Variants in TMC2 observed in about 807,000 individuals in gnomAD.
The protein encoded by TMC2 is transmembrane channel like 2.
In TMC2, 102 loss-of-function variants were observed where a neutral mutation model predicts 105.9. That is an observed-to-expected ratio of 0.96 (90% CI 0.82 to 1.14). The LOEUF (loss-of-function observed/expected upper bound fraction) is 1.14. Among genes scored for constraint, TMC2 ranks in the 50% most tolerant of loss-of-function variants. TMC2 has a pLI of 0.00. For synonymous variants in TMC2, 402 were observed against 422.8 expected, an observed-to-expected ratio of 0.95 and a Z score of 0.60; for missense variants, 1,093 against 1,134.3, an observed-to-expected ratio of 0.96 and a Z score of 0.52.
chr20:2,632,688 C>T (rs1363560845), intron 17 of TMC2, among the ~76,000 whole-genome samples: 1 of 152,132 alleles, frequency 6.6e-6, no homozygotes. Flanking sequence ...CTCCTGGGCT[C>T]AAGCAATTCT....
In TMC2 at chr20:2,616,209, G is replaced by A. The variant is rs2086480497; in HGVS notation, c.1940+5G>A. On this transcript the variant is annotated splice_donor_5th_base_variant and intron_variant, in intron 15 of 19. Coordinates refer to ENST00000358864, the MANE Select transcript of TMC2 (RefSeq NM_080751.3). This position sits in a 1 kb window ranked among gnomAD's most constrained non-coding sequence, Gnocchi z 4.8. ...CTTCAACCAAGGAATGATCTGGTGA[G>A]TTATCCATTTCATCTGGTGATCGCC... 6.2e-7 allele frequency: 1 copy of A among 1,610,946 alleles called. No individual in the cohort carries two copies. The highest frequency in any genetic ancestry group is 1.7e-5 in the Admixed American group (1 of 59,996).
rs749102560 is a variant in TMC2, at chr20:2,616,190, C to A, written c.1926C>A (p.Asn642Lys). 1 of 1,613,144 alleles carries A rather than the reference C, an allele frequency of 6.2e-7. No homozygotes were observed. The highest frequency in any genetic ancestry group is 8.5e-7 in the Non-Finnish European group (1 of 1,179,256). Reference sequence around the variant, plus strand: ...GAAATGTGCTGGGTTTGATCTTCAACCAAGGAATGATCTGGTGAGTTATCC... The same window carrying A: ...GAAATGTGCTGGGTTTGATCTTCAAACAAGGAATGATCTGGTGAGTTATCC... ...ISGNVLGLIF[N>K]QGMIWMGSFY... The change falls in exon 15 of 20, where the codon AAC (asparagine) becomes AAA (lysine). Residue 642 changes from asparagine (N) to lysine (K), a missense_variant. Asn to Lys is a moderately conservative substitution (Grantham distance 94, BLOSUM62 0). Transcript: ENST00000358864. The surrounding 1 kb of genome is among the most constrained non-coding windows in gnomAD (Gnocchi z 4.8).
At position 2,612,262 on chromosome 20, in the gene TMC2, G is replaced by C; in HGVS notation, c.1665G>C (p.Trp555Cys). 3 of 1,612,806 alleles carry C rather than the reference G, an allele frequency of 1.9e-6. No individual in the cohort carries two copies. Among genetic ancestry groups the C allele is most frequent in the Non-Finnish European group, 2.5e-6 (3 of 1,179,342 alleles). Residue 555 changes from tryptophan (W) to cysteine (C), a missense_variant, in exon 13 of 20, where the codon TGG becomes TGC. Transcript: ENST00000358864. ...TLFNYYNSSG[W>C]NESVPRPPLH... Reference sequence around the variant, plus strand: ...TTAACTATTACAACTCTTCTGGTTGGAACGAGAGTGTCCCCCGACCACCCC... The same window carrying C: ...TTAACTATTACAACTCTTCTGGTTGCAACGAGAGTGTCCCCCGACCACCCC...
intron 2 of TMC2, among the ~76,000 whole-genome samples, chr20:2,546,636 T>G (rs1170282305): frequency 6.6e-6 from 1 of 152,132 alleles, no homozygotes; most frequent in Non-Finnish European, 1.5e-5. Context: ...TTGAAGGACA[T>G]GATCAACTCT....
At chr20:2,556,362 A>G (rs892913058) in intron 2 of TMC2, among the ~76,000 whole-genome samples, 2 of 152,224 alleles carry the variant, frequency 1.3e-5, no homozygotes. Context: ...TACAGGCGTG[A>G]GCCACCAGGT....
chr20:2,603,615 T>C (rs1326043551), intron 11 of TMC2, among the ~76,000 whole-genome samples: 1 of 152,168 alleles, frequency 6.6e-6, no homozygotes, highest in Non-Finnish European at 1.5e-5. Context: ...GTTATTTGGA[T>C]CAAGTAATTA....
Position 2,558,636 on chromosome 20 carries a change from G to C in TMC2, c.263G>C (p.Arg88Pro), listed in dbSNP as rs757779139. The change falls in exon 3 of 20, where the codon CGG (arginine) becomes CCG (proline). Residue 88 changes from arginine (R) to proline (P), a missense_variant. Physicochemically the swap from Arg to Pro is moderately radical, Grantham distance 103. Transcript: ENST00000358864. The surrounding 1 kb of genome is among the most constrained non-coding windows in gnomAD (Gnocchi z 4.6). ...RHREELGEQE[R>P]GEAERTCEGR... The stretch of plus-strand genomic sequence containing the variant: ...AGAGAAGAGCTGGGGGAGCAGGAGC[G>C]GGGCGAGGCAGAGAGGACCTGCGAG... The C allele has an allele frequency of 2.5e-6, 4 of 1,569,908 alleles. No individual in the cohort carries two copies. The highest frequency in any genetic ancestry group is 2.3e-5 in the East Asian group (1 of 42,806).
chr20:2,617,203 CCAA>C lies in TMC2; in HGVS notation c.2077_2079del (p.Asn693del), dbSNP rs751767521. On this transcript the variant is annotated inframe_deletion, in exon 16 of 20. Coordinates refer to ENST00000358864, the MANE Select transcript of TMC2 (RefSeq NM_080751.3). Reference sequence around the variant, plus strand: ...GAACGCGTGTTCAAAGCCTCCCGATCCAACAACTTCTACATGGGCCTCCTGCTG... The same window carrying C: ...GAACGCGTGTTCAAAGCCTCCCGATCCAACTTCTACATGGGCCTCCTGCTG... 1 of 1,614,256 alleles carries C rather than the reference CCAA, an allele frequency of 6.2e-7. No individual in the cohort carries two copies. The highest frequency in any genetic ancestry group is 1.1e-5 in the South Asian group (1 of 91,088).
At position 2,642,488 on chromosome 20, in the gene TMC2, T is replaced by G. The variant is rs371583516; in HGVS notation, c.*1137T>G. 2.8e-4 allele frequency among the ~76,000 whole-genome samples: 42 copies of G among 152,174 alleles called. No individual in the cohort carries two copies. Among genetic ancestry groups the G allele is most frequent in the African/African-American group, 9.4e-4 (39 of 41,440 alleles). ...AAATTCTAAAAGGAATTTGATAACA[T>G]GATTATTGTACAAAAGACCTTGAAG... On this transcript the variant is annotated 3_prime_UTR_variant, in exon 20 of 20. Transcript: ENST00000358864.
At chr20:2,598,248 G>C (rs1299898947) in intron 10 of TMC2, among the ~76,000 whole-genome samples, 1 of 151,566 alleles carries the variant, frequency 6.6e-6, no homozygotes, top group African/African-American at 2.4e-5. Flanking sequence ...AACAAAGAGA[G>C]AGAAAGGGAG....
At chr20:2,618,306 C>T (rs1217489955) in intron 16 of TMC2, 1 of 152,226 alleles carries the variant, frequency 6.6e-6, no homozygotes, top group African/African-American at 2.4e-5. Flanking sequence ...AACATAATGA[C>T]TTCCTGTTCC....
intron 7 of TMC2, among the ~76,000 whole-genome samples, chr20:2,584,001 A>G (rs1210265317): frequency 6.6e-6 from 1 of 152,168 alleles, no homozygotes; most frequent in East Asian, 1.9e-4. Flanking sequence ...AGGTGATTCT[A>G]TTATGCAGCT....
chr20:2,616,999 A>G lies in TMC2; in HGVS notation c.1941-73A>G. On this transcript the variant is annotated intron_variant, in intron 15 of 19. Transcript: ENST00000358864. The surrounding 1 kb of genome is among the most constrained non-coding windows in gnomAD (Gnocchi z 4.8). The stretch of plus-strand genomic sequence containing the variant: ...CTCATGCCCCTAACCCATCCGTCCC[A>G]TTTCCTTCTATCACCCTTCCCTCGC... 1 of 1,588,392 alleles carries G rather than the reference A, an allele frequency of 6.3e-7. No homozygotes were observed. The highest frequency in any genetic ancestry group is 2.2e-5 in the East Asian group (1 of 44,694).
chr20:2,547,581 T>C (rs959996384), intron 2 of TMC2, among the ~76,000 whole-genome samples: 4 of 152,212 alleles, frequency 2.6e-5, no homozygotes, highest in South Asian at 4.1e-4. Flanking sequence ...AGAACAAGTC[T>C]CTGTGGCCTT....
chr20:2,594,528 C>G (rs2086291503), intron 8 of TMC2, among the ~76,000 whole-genome samples: 1 of 152,114 alleles, frequency 6.6e-6, no homozygotes, highest in Admixed American at 6.6e-5. Context: ...GTGCCCAACC[C>G]CCTATCCCTA....
chr20:2,598,247 A>G (rs998742180), intron 10 of TMC2, among the ~76,000 whole-genome samples: 1 of 151,574 alleles, frequency 6.6e-6, no homozygotes, highest in Non-Finnish European at 1.5e-5. Context: ...TAACAAAGAG[A>G]GAGAAAGGGA....
chr20:2,549,008 T>A (rs755345804), intron 2 of TMC2, among the ~76,000 whole-genome samples: 1 of 152,168 alleles, frequency 6.6e-6, no homozygotes, highest in African/African-American at 2.4e-5. Context: ...ACATAATAAA[T>A]TAGTTCATTT....
chr20:2,602,656 G>GT (rs1242896585), intron 11 of TMC2, among the ~76,000 whole-genome samples: 1 of 152,158 alleles, frequency 6.6e-6, no homozygotes, highest in Non-Finnish European at 1.5e-5. Context: ...TTCTATTCCT[G>GT]TTTGTCTATT....
At chr20:2,621,974 G>C (rs2086528235) in intron 16 of TMC2, among the ~76,000 whole-genome samples, 1 of 152,140 alleles carries the variant, frequency 6.6e-6, no homozygotes, top group Admixed American at 6.5e-5. Context: ...TCACATAAAA[G>C]CCTAACACGT....
Sources: allele counts gnomAD v4.1 joint callset (sites outside exome capture counted in the v4.1 genomes callset), GRCh38; gene constraint gnomAD v4.1.1; non-coding constraint Gnocchi (gnomAD v3.1); transcripts MANE v1.5; gene names NCBI Gene and HGNC (gene_info 2026-07-23, HGNC 2026-07-21).